PDXDC1: variants seen among roughly 807,000 people sequenced by gnomAD.
PDXDC1 encodes the protein pyridoxal-dependent decarboxylase domain-containing protein 1.
In PDXDC1, 42 loss-of-function variants were observed where a neutral mutation model predicts 100.1. The observed-to-expected ratio is 0.42, with a 90% CI of 0.33 to 0.54. The LOEUF (loss-of-function observed/expected upper bound fraction) is 0.54, where lower values mean the gene tolerates loss of function less well. Among genes scored for constraint, PDXDC1 ranks in the 20% least tolerant of loss-of-function variants. The pLI, the probability that PDXDC1 is intolerant of heterozygous loss-of-function variation, is 0.10. For missense variants in PDXDC1, 636 were observed against 979.2 expected, an observed-to-expected ratio of 0.65 and a Z score of 4.68; for synonymous variants, 260 against 371.7, an observed-to-expected ratio of 0.70 and a Z score of 3.46.
intron 1 of PDXDC1, among the ~76,000 whole-genome samples, chr16:14,986,330 G>A (rs577182138): frequency 1.5e-4 from 23 of 152,390 alleles, no homozygotes; most frequent in African/African-American, 4.8e-4. Flanking sequence ...TTAGCTGGGC[G>A]TGATGGCGGG....
intron 16 of PDXDC1, among the ~76,000 whole-genome samples, chr16:15,081,772 C>T (rs756362026): frequency 4.6e-5 from 7 of 152,140 alleles, no homozygotes; most frequent in Non-Finnish European, 1.0e-4. Flanking sequence ...AAAATGTACT[C>T]GTTTTCTTCT....
intron 1 of PDXDC1, among the ~76,000 whole-genome samples, chr16:14,991,037 C>T (rs1209534259): frequency 3.9e-5 from 6 of 152,286 alleles, no homozygotes; most frequent in South Asian, 2.1e-4. Context: ...CCACTGCGCC[C>T]GGCCAGCAAG....
rs571558915 is a variant in PDXDC1 at position 15,047,669 on chromosome 16, G to A, written c.1399+17613G>A. On this transcript the variant is annotated intron_variant, in intron 16 of 16. Coordinates refer to the PDXDC1 transcript ENST00000535621. ...TTTGAATATCCTGTAGGGGAAAAAC[G>A]GACAGGTCTGTGCTCCCCAGCCAAC... 1.5e-4 allele frequency: 136 copies of A among 929,946 alleles called. No individual in the cohort carries two copies. In the East Asian group the frequency reaches 2.6e-3, roughly 18 times the overall value. The allele number at this position is 929,946 out of a possible 1,614,324, so 57.6% of individuals were successfully genotyped here.
At chr16:15,041,055 G>A, downstream of PDXDC1, 1 of 1,579,686 alleles carries the variant, frequency 6.3e-7, no homozygotes, top group Non-Finnish European at 8.7e-7. Flanking sequence ...CACAAAAGAT[G>A]CACACTACTT....
chr16:15,145,918 A>G, the PDXDC1 span, among the ~76,000 whole-genome samples: 1 of 152,202 alleles, frequency 6.6e-6, no homozygotes, highest in Admixed American at 6.5e-5. Context: ...GAGCTCCAGA[A>G]AAGAACACGT....
At chr16:15,041,261 C>G, downstream of PDXDC1, 1 of 682,532 alleles carries the variant, frequency 1.5e-6, no homozygotes, top group Admixed American at 2.2e-5. Flanking sequence ...GATTGTGGCC[C>G]TGTTTCCCTA....
At chr16:15,012,944 G>A (rs1287552352) in intron 8 of PDXDC1, among the ~76,000 whole-genome samples, 1 of 152,284 alleles carries the variant, frequency 6.6e-6, no homozygotes, top group Admixed American at 6.5e-5. Flanking sequence ...GGCCGAGGCG[G>A]GCAGATTACG....
In PDXDC1 at chr16:14,975,145, G is replaced by A. The variant is rs1966599715; in HGVS notation, c.-55G>A. The stretch of plus-strand genomic sequence containing the variant: ...GCCAGCGTGGAAGGAGCTGCGGGGC[G>A]CGGGAGGAGGAAGTAGAGCCCGGGA... On this transcript the variant is annotated 5_prime_UTR_variant, in exon 1 of 23. Coordinates refer to ENST00000396410, the MANE Select transcript of PDXDC1 (RefSeq NM_015027.4). 4 of 1,466,884 alleles carry A rather than the reference G, an allele frequency of 2.7e-6. No homozygotes were observed. Among genetic ancestry groups the A allele is most frequent in the Non-Finnish European group, 3.6e-6 (4 of 1,119,578 alleles). 90.9% of individuals were successfully genotyped at this position (1,466,884 alleles called of 1,614,324 possible).
rs142078442 is a variant in PDXDC1 at position 15,043,715 on chromosome 16, C to T, written c.1399+13659C>T. ...CTGTAATCCCAGCACTTTAAGAGGC[C>T]GAGGCAGGTGCATCACCAGGTCGGG... On this transcript the variant is annotated intron_variant, in intron 16 of 16. Coordinates refer to the PDXDC1 transcript ENST00000535621. Among the ~76,000 whole-genome samples the T allele has an allele frequency of 1.6e-3, 250 of 152,198 alleles. 3 individuals are homozygous for T. Among genetic ancestry groups the T allele is most frequent in the Admixed American group, 3.5e-3 (54 of 15,284 alleles).
chr16:15,032,952 C>A lies in PDXDC1; in HGVS notation c.1663C>A (p.Leu555Met), dbSNP rs768496697. 6.2e-7 allele frequency: 1 copy of A among 1,605,140 alleles called. No homozygotes were observed. The highest frequency in any genetic ancestry group is 1.1e-5 in the South Asian group (1 of 90,906). Residue 555 changes from leucine to methionine, a missense_variant, in exon 18 of 23, where the codon CTG becomes ATG. Coordinates refer to ENST00000396410, the MANE Select transcript of PDXDC1 (RefSeq NM_015027.4). ...TGGACTCCTGAAGAAGTTAAATGAACTGGAATCTGACCTAACCTTTAAAAT... is the reference window on the plus strand; with the variant it reads ...TGGACTCCTGAAGAAGTTAAATGAAATGGAATCTGACCTAACCTTTAAAAT... ...HAGLLKKLNE[L>M]ESDLTFKIGP... is the part of the protein sequence containing the mutation.
chr16:15,066,024 A>G (rs186924571), intron 16 of PDXDC1, among the ~76,000 whole-genome samples: 12 of 152,360 alleles, frequency 7.9e-5, no homozygotes, highest in African/African-American at 2.4e-4. Flanking sequence ...AGCAACTTGA[A>G]AAATTATCTA....
At chr16:14,978,602 C>G (rs1422688561) in intron 1 of PDXDC1, among the ~76,000 whole-genome samples, 1 of 152,288 alleles carries the variant, frequency 6.6e-6, no homozygotes, top group African/African-American at 2.4e-5. Flanking sequence ...ACTATATTGC[C>G]CAGGCTGGTC....
At chr16:15,030,730 G>A (rs561222091) in intron 16 of PDXDC1, among the ~76,000 whole-genome samples, 1 of 151,578 alleles carries the variant, frequency 6.6e-6, no homozygotes, top group South Asian at 2.1e-4. Context: ...CCACAGGCAT[G>A]AGCCACCACA....
At chr16:15,096,506 T>C (rs2046360070) in intron 16 of PDXDC1, among the ~76,000 whole-genome samples, 1 of 152,212 alleles carries the variant, frequency 6.6e-6, no homozygotes, top group South Asian at 2.1e-4. Context: ...CTGAGTTCCT[T>C]GGGAATGTTG....
At chr16:15,133,752 G>T in intron 16 of PDXDC1, 1 of 1,595,140 alleles carries the variant, frequency 6.3e-7, no homozygotes, top group Non-Finnish European at 8.5e-7. Flanking sequence ...TGACGTCACA[G>T]TCGGGGGATC....
intron 16 of PDXDC1, chr16:15,086,500 A>T: frequency 6.2e-7 from 1 of 1,607,412 alleles, no homozygotes; most frequent in South Asian, 1.1e-5. Context: ...ATCCTCTAAC[A>T]TAACAGAAAT....
chr16:15,124,028 G>A (rs1438397052), intron 16 of PDXDC1, among the ~76,000 whole-genome samples: 1 of 152,090 alleles, frequency 6.6e-6, no homozygotes, highest in East Asian at 1.9e-4. Context: ...GAACCCAAAT[G>A]AGGGGGAGAA....
At chr16:15,126,917 C>CA (rs1257141090) in intron 16 of PDXDC1, 1 of 227,258 alleles carries the variant, frequency 4.4e-6, no homozygotes, top group African/African-American at 2.3e-5. Context: ...CTCGGCCTCC[C>CA]AAAGTGTTGG....
intron 16 of PDXDC1, chr16:15,134,022 G>C (rs1226785202): frequency 9.6e-5 from 143 of 1,488,960 alleles, no homozygotes; most frequent in Non-Finnish European, 9.2e-6. Context: ...CGTGGATGTG[G>C]TGGTCTCATC....
Sources: allele counts gnomAD v4.1 joint callset (sites outside exome capture counted in the v4.1 genomes callset), GRCh38; gene constraint gnomAD v4.1.1; transcripts MANE v1.5; gene names NCBI Gene and HGNC (gene_info 2026-07-23, HGNC 2026-07-21).